Variants in PLOD1 observed in about 807,000 individuals in gnomAD.
The protein encoded by PLOD1 is procollagen-lysine,2-oxoglutarate 5-dioxygenase 1.
Under a neutral mutation model 94.7 loss-of-function variants are expected in PLOD1, and 70 were observed. The ratio of observed to expected loss-of-function variants is 0.74; its 90% CI spans 0.61 to 0.90. The LOEUF (loss-of-function observed/expected upper bound fraction) is 0.90, where lower values mean the gene tolerates loss of function less well. Among genes scored for constraint, PLOD1 ranks in the 40% least tolerant of loss-of-function variants. PLOD1 has a pLI of 0.00. For missense variants in PLOD1, 905 were observed against 972.7 expected (o/e 0.93, Z 0.93); for synonymous variants, 417 against 400.2 (o/e 1.04, Z -0.50).
chr1:11,972,673 T>A lies in PLOD1; in HGVS notation c.1903-199T>A. 2.8e-5 allele frequency: 11 copies of A among 398,386 alleles called. No homozygotes were observed. Among genetic ancestry groups the A allele is most frequent in the Middle Eastern group, 5.1e-4 (1 of 1,964 alleles). The allele number at this position is 398,386 out of a possible 1,614,324, so 24.7% of individuals were successfully genotyped here. On this transcript the variant is annotated intron_variant, in intron 17 of 18. Transcript: ENST00000196061. The surrounding 1 kb of genome is among the most constrained non-coding windows in gnomAD (Gnocchi z 4.6). ...CTCTTCCTTCCCTCCCTCTCTCCCCTCTGTCCATACATTTTTGTTGAGAAC... is the reference window on the plus strand; with the variant it reads ...CTCTTCCTTCCCTCCCTCTCTCCCCACTGTCCATACATTTTTGTTGAGAAC...
At chr1:11,949,664 C>T in intron 2 of PLOD1, 109 bp from the exon 3 acceptor site, 1 of 1,115,556 alleles carries the variant, frequency 9.0e-7, no homozygotes, top group Non-Finnish European at 1.3e-6. Context: ...AGGTGGTCCA[C>T]ACGTCTCGGC....
At chr1:11,937,189 T>C (rs924840945) in intron 1 of PLOD1, among the ~76,000 whole-genome samples, 4 of 152,226 alleles carry the variant, frequency 2.6e-5, no homozygotes, top group Admixed American at 2.6e-4. Flanking sequence ...GACCAGGTTG[T>C]GCCCAAGGCC....
intron 3 of PLOD1, 148 bp downstream of exon 3, chr1:11,950,054 TA>T: frequency 3.4e-6 from 3 of 881,708 alleles, no homozygotes; most frequent in Non-Finnish European, 5.7e-6. Flanking sequence ...CCGGTCTTAG[TA>T]AAGCCCATTC....
At chr1:11,938,481 G>T (rs1262462347) in intron 1 of PLOD1, among the ~76,000 whole-genome samples, 1 of 152,044 alleles carries the variant, frequency 6.6e-6, no homozygotes, top group Admixed American at 6.5e-5. Flanking sequence ...CCCAGCTGAG[G>T]TGTGACCTTT....
chr1:11,961,314 A>C (rs1201663197), intron 10 of PLOD1, among the ~76,000 whole-genome samples: 1 of 152,146 alleles, frequency 6.6e-6, no homozygotes, highest in South Asian at 2.1e-4. Context: ...GAGCCCGGGA[A>C]GTCGAGGTTG....
intron 3 of PLOD1, 95 bp from the exon 4 acceptor site, chr1:11,950,262 G>A: frequency 8.0e-7 from 1 of 1,250,820 alleles, no homozygotes; most frequent in East Asian, 2.3e-5. Context: ...AGGGCCATTT[G>A]TGGAGCACTT....
chr1:11,970,351 T>G (rs921240347), intron 16 of PLOD1, among the ~76,000 whole-genome samples: 11 of 152,172 alleles, frequency 7.2e-5, no homozygotes, highest in Admixed American at 4.6e-4. Flanking sequence ...GAGGATCACT[T>G]AGGCCTGGAA....
chr1:11,937,316 A>G (rs1557479890), intron 1 of PLOD1, among the ~76,000 whole-genome samples: 1 of 152,106 alleles, frequency 6.6e-6, no homozygotes, highest in African/African-American at 2.4e-5. Flanking sequence ...ATTCCAGGGG[A>G]TGAAGTTGGG....
In PLOD1 at chr1:11,964,168, C is replaced by A; in HGVS notation, c.1203-7C>A. On this transcript the variant is annotated splice_region_variant and splice_polypyrimidine_tract_variant and intron_variant, in intron 11 of 18. Coordinates refer to ENST00000196061, the MANE Select transcript of PLOD1 (RefSeq NM_000302.4). ...CGACCTCCTACTGAGGTGCTCCCTT[C>A]CCTCAGGAACGTCATTGCCCCGCTG... 1 of 1,613,734 alleles carries A rather than the reference C, an allele frequency of 6.2e-7. No homozygotes were observed. The highest frequency in any genetic ancestry group is 8.5e-7 in the Non-Finnish European group (1 of 1,179,824).
In PLOD1 at chr1:11,957,723, C is replaced by T. The variant is rs1359669694; in HGVS notation, c.742-119C>T. The T allele has an allele frequency of 7.6e-6, 6 of 788,654 alleles. No individual in the cohort carries two copies. The highest frequency in any genetic ancestry group is 5.1e-5 in the Admixed American group (3 of 58,830). 48.9% of individuals were successfully genotyped at this position (788,654 alleles called of 1,614,324 possible). On this transcript the variant is annotated intron_variant, in intron 7 of 18. Coordinates refer to ENST00000196061, the MANE Select transcript of PLOD1 (RefSeq NM_000302.4). The surrounding 1 kb of genome is among the most constrained non-coding windows in gnomAD (Gnocchi z 4.1). ...GATGGAGCATTATCTCCAAGACCCT[C>T]TTAGGGAGTGGGAGGGGGCTGGATG...
chr1:11,972,711 A>G lies in PLOD1; in HGVS notation c.1903-161A>G, dbSNP rs1234430056. ...TTTTGTTGAGAACCTTTTCTGTGCC[A>G]GGTAGTTGCAGGCACTCGAGCATAG... is the stretch of plus-strand genomic sequence containing the variant. On this transcript the variant is annotated intron_variant, in intron 17 of 18. Coordinates refer to ENST00000196061, the MANE Select transcript of PLOD1 (RefSeq NM_000302.4). The surrounding 1 kb of genome is among the most constrained non-coding windows in gnomAD (Gnocchi z 4.6). 2 of 708,152 alleles carry G rather than the reference A, an allele frequency of 2.8e-6. No homozygotes were observed. The highest frequency in any genetic ancestry group is 2.6e-5 in the East Asian group (1 of 38,856). 43.9% of individuals were successfully genotyped at this position (708,152 alleles called of 1,614,324 possible).
At chr1:11,954,570 G>T in intron 5 of PLOD1, 2 of 733,768 alleles carry the variant, frequency 2.7e-6, no homozygotes, top group Non-Finnish European at 5.1e-6. Context: ...CGTCATTGTT[G>T]TAGGTGAGCC....
intron 1 of PLOD1, 92 bp downstream of exon 1, chr1:11,934,947 C>G: frequency 6.9e-7 from 1 of 1,439,900 alleles, no homozygotes; most frequent in Non-Finnish European, 9.2e-7. Context: ...AATGGGAGGC[C>G]TGGGCTGGAG....
chr1:11,944,807 G>A, intron 1 of PLOD1: 1 of 492,588 alleles, frequency 2.0e-6, no homozygotes, highest in Non-Finnish European at 3.2e-6. Context: ...GGCTACCCCT[G>A]CCCCAGCTAC....
intron 10 of PLOD1, among the ~76,000 whole-genome samples, chr1:11,961,512 C>T (rs952029577): frequency 7.9e-5 from 12 of 152,224 alleles, no homozygotes; most frequent in Non-Finnish European, 1.6e-4. Context: ...TTGGCTCTGC[C>T]GGCTCTGTGA....
rs1360869524 is a variant in PLOD1, at chr1:11,973,102, G to C, written c.2028+105G>C. The C allele has an allele frequency of 1.8e-5, 22 of 1,243,212 alleles. No individual in the cohort carries two copies. The South Asian group carries it at 2.6e-4, about 15-fold the overall frequency. The allele number at this position is 1,243,212 out of a possible 1,614,324, so 77.0% of individuals were successfully genotyped here. On this transcript the variant is annotated intron_variant, in intron 18 of 18. Transcript: ENST00000196061. ...GAGGCAGAGGGGCCCCAGGTAACCA[G>C]TGCCAGAGAACCAGAAAAAAAAGGA...
In PLOD1 at chr1:11,957,393, A is replaced by G. The variant is rs1398592360; in HGVS notation, c.741+379A>G. ...TAAGCAGGACGGATGTCCTGCATTC[A>G]TGGTGACAGAAGGGACTGGGTGCAG... is the stretch of plus-strand genomic sequence containing the variant. On this transcript the variant is annotated intron_variant, in intron 7 of 18. Coordinates refer to ENST00000196061, the MANE Select transcript of PLOD1 (RefSeq NM_000302.4). This position sits in a 1 kb window ranked among gnomAD's most constrained non-coding sequence, Gnocchi z 4.1. Among the ~76,000 whole-genome samples, 1 of 152,178 alleles carries G rather than the reference A, an allele frequency of 6.6e-6. No homozygotes were observed. Among genetic ancestry groups the G allele is most frequent in the African/African-American group, 2.4e-5 (1 of 41,440 alleles).
In PLOD1 at chr1:11,974,613, G is replaced by A. The variant is rs761028587; in HGVS notation, c.2029-40G>A. On this transcript the variant is annotated intron_variant, in intron 18 of 18. Transcript: ENST00000196061. ...ATGACGGGAGAACAGACGGGCAGGGGGGCGGTGGGGAAAGGCCACTGATGC... is the reference window on the plus strand; with the variant it reads ...ATGACGGGAGAACAGACGGGCAGGGAGGCGGTGGGGAAAGGCCACTGATGC... 7.5e-6 allele frequency: 12 copies of A among 1,592,716 alleles called. No individual in the cohort carries two copies. The South Asian group carries it at 1.1e-4, about 15-fold the overall frequency.
chr1:11,950,318 C>A (rs759255763), intron 3 of PLOD1, 39 bp from the exon 4 acceptor site: 1 of 1,610,204 alleles, frequency 6.2e-7, no homozygotes, highest in Admixed American at 1.7e-5. Flanking sequence ...CCCCTGCTCA[C>A]CCTTGCCCTG....
Sources: allele counts gnomAD v4.1 joint callset (sites outside exome capture counted in the v4.1 genomes callset), GRCh38; gene constraint gnomAD v4.1.1; non-coding constraint Gnocchi (gnomAD v3.1); transcripts MANE v1.5; gene names NCBI Gene and HGNC (gene_info 2026-07-23, HGNC 2026-07-21).